EMC1: variants seen among roughly 807,000 people sequenced by gnomAD.
The protein encoded by EMC1 is ER membrane protein complex subunit 1.
EMC1 carries 103 observed loss-of-function variants against 128.8 expected under a neutral mutation model. The observed-to-expected ratio is 0.80, with a 90% confidence interval of 0.68 to 0.94. The LOEUF is 0.94. EMC1 is among the 40% of genes least tolerant of loss of function. The pLI is 0.00. For synonymous variants in EMC1, 442 were observed against 490.4 expected (o/e 0.90, Z 1.30); for missense variants, 1,083 against 1,250.6 (o/e 0.87, Z 2.02).
In EMC1 at chr1:19,236,622, C is replaced by T. The variant is rs190743747; in HGVS notation, c.1309+520G>A. Among the ~76,000 whole-genome samples, 7 of 143,438 alleles carry T rather than the reference C, an allele frequency of 4.9e-5. No individual in the cohort carries two copies. The East Asian group carries it at 1.5e-3, about 31-fold the overall frequency. The allele number at this position is 143,438 out of a possible 152,430, so 94.1% of individuals were successfully genotyped here. ...AGTGAGCTGAGATCATGCCACTGTACTCCAGCAGTCTGAGCAACAAGAGCA... is the reference window on the plus strand; with the variant it reads ...AGTGAGCTGAGATCATGCCACTGTATTCCAGCAGTCTGAGCAACAAGAGCA... On this transcript the variant is annotated intron_variant, in intron 12 of 22. Coordinates refer to ENST00000477853, the MANE Select transcript of EMC1 (RefSeq NM_015047.3).
intron 19 of EMC1, 63 bp from the exon 20 acceptor site, chr1:19,222,897 C>T: frequency 8.1e-7 from 1 of 1,239,094 alleles, no homozygotes; most frequent in Non-Finnish European, 1.1e-6. Context: ...AGGGAAATTG[C>T]ACTGGAAGGC....
rs1250945715 is a variant in EMC1 at position 19,217,841 on chromosome 1, A to G, written c.*1462T>C. On this transcript the variant is annotated 3_prime_UTR_variant, in exon 23 of 23. Transcript: ENST00000477853. ...AGATTCTTAGACATTCAGTCACTCAATATCAAACTGACAATTAATAAAATG... is the reference window on the plus strand; with the variant it reads ...AGATTCTTAGACATTCAGTCACTCAGTATCAAACTGACAATTAATAAAATG... The G allele has an allele frequency of 6.6e-6, 1 of 152,192 alleles. No homozygotes were observed. The highest frequency in any genetic ancestry group is 1.5e-5 in the Non-Finnish European group (1 of 68,044). The allele number at this position is 152,192 out of a possible 1,614,324, so 9.4% of individuals were successfully genotyped here.
chr1:19,239,217 T>C lies in EMC1; in HGVS notation c.1026+14A>G. 1 of 1,610,506 alleles carries C rather than the reference T, an allele frequency of 6.2e-7. No individual in the cohort carries two copies. The highest frequency in any genetic ancestry group is 1.1e-5 in the South Asian group (1 of 91,002). ...GGAAAATCCCAAGTGCTGACTGTTGTTCTCAATACTCACCACTTCATTCCG... is the reference window on the plus strand; with the variant it reads ...GGAAAATCCCAAGTGCTGACTGTTGCTCTCAATACTCACCACTTCATTCCG... On this transcript the variant is annotated intron_variant, in intron 9 of 22. Transcript: ENST00000477853.
intron 4 of EMC1, 70 bp downstream of exon 4, chr1:19,243,544 C>A: frequency 7.2e-7 from 1 of 1,383,664 alleles, no homozygotes; most frequent in South Asian, 1.2e-5. Context: ...CCCAGAGTTG[C>A]TGTCTATGCA....
intron 13 of EMC1, among the ~76,000 whole-genome samples, chr1:19,233,483 T>C (rs960471743): frequency 6.6e-6 from 1 of 152,156 alleles, no homozygotes; most frequent in Non-Finnish European, 1.5e-5. Flanking sequence ...GGTTTCTGGG[T>C]GCCATGACAA....
At chr1:19,227,568 T>G in intron 17 of EMC1, 118 bp from the exon 18 acceptor site, 1 of 1,204,194 alleles carries the variant, frequency 8.3e-7, no homozygotes, top group Non-Finnish European at 1.2e-6. Flanking sequence ...GGAATAGAGA[T>G]CAGAACTAGA....
chr1:19,246,128 C>T (rs1275040298), intron 1 of EMC1, among the ~76,000 whole-genome samples: 24 of 152,038 alleles, frequency 1.6e-4, no homozygotes, highest in Non-Finnish European at 1.0e-4. Context: ...CAGTGGCTCA[C>T]GCCTATAATC....
In EMC1 at chr1:19,239,337, G is replaced by A. The variant is rs770009283; in HGVS notation, c.955-35C>T. 5 of 1,591,684 alleles carry A rather than the reference G, an allele frequency of 3.1e-6. No homozygotes were observed. The East Asian group carries it at 8.9e-5, about 28-fold the overall frequency. ...AAGCAAGGCATCAGCTCCTAAATGG[G>A]ACCAGTACTAGCCAGCTGCCTTACA... On this transcript the variant is annotated intron_variant, in intron 8 of 22. Transcript: ENST00000477853.
rs766662046 is a variant in EMC1, at chr1:19,219,446, C to T, written c.2839G>A (p.Val947Ile). 85 of 1,613,888 alleles carry T rather than the reference C, an allele frequency of 5.3e-5. No homozygotes were observed. In the Middle Eastern group the frequency reaches 9.9e-4, roughly 19 times the overall value. Residue 947 changes from valine to isoleucine, a missense_variant, in exon 23 of 23, where the codon GTC (valine) becomes ATC (isoleucine). Transcript: ENST00000477853. ...ACGTCAAACTGCTTGGATGGGTAGA[C>T]TCGAGTTTGGTAAATGTCCAAACCA... ...AYGLDIYQTR[V>I]YPSKQFDVLK...
At chr1:19,239,369 C>G (rs2151957586) in intron 8 of EMC1, 67 bp from the exon 9 acceptor site, 6 of 1,402,390 alleles carry the variant, frequency 4.3e-6, no homozygotes, top group East Asian at 2.3e-5. Flanking sequence ...TACAGAGGGT[C>G]ACCTCTCCAG....
chr1:19,220,724 G>A (rs367570108), intron 21 of EMC1, 40 bp downstream of exon 21: 70 of 1,485,586 alleles, frequency 4.7e-5, no homozygotes, highest in Non-Finnish European at 6.3e-5. Flanking sequence ...GTTAAGTTAT[G>A]TAAGGTCAGA....
rs759388197 is a variant in EMC1 at position 19,230,893 on chromosome 1, TAGA to T, written c.2012_2014del (p.Phe671del). 7 of 1,613,918 alleles carry T rather than the reference TAGA, an allele frequency of 4.3e-6. No homozygotes were observed. In the South Asian group the frequency reaches 4.4e-5, roughly 10 times the overall value. The stretch of plus-strand genomic sequence containing the variant: ...CCGTCCCTGCTCTGCATCCACCAAA[TAGA>T]AGAAGATGGAAGGGGCAAGCTCATG... On this transcript the variant is annotated inframe_deletion, in exon 17 of 23. Transcript: ENST00000477853.
At chr1:19,237,096 G>T in intron 12 of EMC1, 46 bp downstream of exon 12, 1 of 1,372,482 alleles carries the variant, frequency 7.3e-7, no homozygotes, top group Non-Finnish European at 1.0e-6. Flanking sequence ...GAACACATTG[G>T]AAGGCCTGGG....
chr1:19,239,061 G>A (rs2093587495), intron 9 of EMC1, among the ~76,000 whole-genome samples, 170 bp downstream of exon 9: 1 of 152,186 alleles, frequency 6.6e-6, no homozygotes. Flanking sequence ...GGGGAGAAAT[G>A]GGGTGTGCAG....
chr1:19,245,060 A>G lies in EMC1; in HGVS notation c.96-30T>C, dbSNP rs193217386. ...GAAAAAAAGAGTACAGGGGACCATAAGGAGCTAAAATCACCATTCCACAAA... is the reference window on the plus strand; with the variant it reads ...GAAAAAAAGAGTACAGGGGACCATAGGGAGCTAAAATCACCATTCCACAAA... On this transcript the variant is annotated intron_variant, in intron 1 of 22. Coordinates refer to ENST00000477853, the MANE Select transcript of EMC1 (RefSeq NM_015047.3). 116 of 1,610,504 alleles carry G rather than the reference A, an allele frequency of 7.2e-5. No homozygotes were observed. The African/African-American group carries it at 1.4e-3, about 20-fold the overall frequency.
At chr1:19,223,322 T>C (rs1369191221) in intron 19 of EMC1, 74 bp downstream of exon 19, 14 of 1,383,622 alleles carry the variant, frequency 1.0e-5, no homozygotes, top group Non-Finnish European at 1.3e-5. Flanking sequence ...AAGCAGCAAC[T>C]GGGTTTCTGG....
chr1:19,231,822 C>T (rs1050845819), intron 15 of EMC1, among the ~76,000 whole-genome samples: 3 of 152,128 alleles, frequency 2.0e-5, no homozygotes, highest in Non-Finnish European at 4.4e-5. Context: ...GGGGTTTCAC[C>T]ATGTTGCCCA....
intron 12 of EMC1, among the ~76,000 whole-genome samples, chr1:19,235,662 T>C (rs575941652): frequency 7.9e-5 from 12 of 151,772 alleles, no homozygotes; most frequent in African/African-American, 2.4e-4. Context: ...GATTGTGCCA[T>C]TGCACTCCAG....
chr1:19,234,418 G>A (rs1402336801), intron 13 of EMC1, among the ~76,000 whole-genome samples: 2 of 152,146 alleles, frequency 1.3e-5, no homozygotes, highest in African/African-American at 4.8e-5. Context: ...AGGGCACTGG[G>A]CTGTTTCCAC....
Sources: gnomAD v4.1 joint callset for allele counts (sites outside exome capture counted in the v4.1 genomes callset) on GRCh38, gnomAD v4.1.1 for gene constraint, MANE v1.5 for transcripts, NCBI Gene and HGNC (gene_info 2026-07-23, HGNC 2026-07-21) for gene names.